Variants in DLG2 observed in about 807,000 individuals in gnomAD.
The protein encoded by DLG2 is discs large MAGUK scaffold protein 2, also known as disks large homolog 2.
Under a neutral mutation model 132.5 loss-of-function variants are expected in DLG2, and 45 were observed. The ratio of observed to expected loss-of-function variants is 0.34; its 90% CI spans 0.27 to 0.44. The LOEUF is 0.44. Ranked by LOEUF, DLG2 falls within the 20% of genes least tolerant of loss-of-function variation. The probability of loss-of-function intolerance (pLI) is 1.00; values close to 1 mark genes in which losing one functional copy is unlikely to be tolerated. For synonymous variants in DLG2, 424 were observed against 419.6 expected, an observed-to-expected ratio of 1.01 and a Z score of -0.13; for missense variants, 1,045 against 1,196.9, an observed-to-expected ratio of 0.87 and a Z score of 1.87.
intron 4 of DLG2, among the ~76,000 whole-genome samples, chr11:85,199,514 G>A (rs571036782): frequency 1.2e-4 from 18 of 152,246 alleles, no homozygotes; most frequent in African/African-American, 3.9e-4. Context: ...AGGTCTATGC[G>A]TGTTATTGGA....
chr11:83,862,512 A>G (rs1277726391), intron 16 of DLG2, among the ~76,000 whole-genome samples: 1 of 152,192 alleles, frequency 6.6e-6, no homozygotes, highest in Non-Finnish European at 1.5e-5. Context: ...ATTTATAAAG[A>G]ATGAATAAAA....
intron 4 of DLG2, among the ~76,000 whole-genome samples, chr11:85,208,166 T>C (rs2082027472): frequency 6.6e-6 from 1 of 152,078 alleles, no homozygotes; most frequent in Admixed American, 6.6e-5. Context: ...TCAAAGTAGT[T>C]AAGTAACCTA....
intron 3 of DLG2, among the ~76,000 whole-genome samples, chr11:85,544,532 G>A (rs1464035670): frequency 6.6e-6 from 1 of 152,190 alleles, no homozygotes; most frequent in Non-Finnish European, 1.5e-5. Flanking sequence ...TGGGAAAAAA[G>A]TCAATGGTAG....
At chr11:85,169,392 C>T (rs1022512378) in intron 4 of DLG2, among the ~76,000 whole-genome samples, 4 of 152,124 alleles carry the variant, frequency 2.6e-5, no homozygotes, top group African/African-American at 4.8e-5. Context: ...ACATGAAAAA[C>T]GGTACGTAAA....
At chr11:84,030,144 A>G (rs954115130) in intron 11 of DLG2, among the ~76,000 whole-genome samples, 3 of 152,172 alleles carry the variant, frequency 2.0e-5, no homozygotes, top group African/African-American at 7.2e-5. Flanking sequence ...TCACTCACCA[A>G]TATAAATTGT....
intron 6 of DLG2, among the ~76,000 whole-genome samples, chr11:84,761,235 C>A (rs757446604): frequency 1.3e-5 from 2 of 152,198 alleles, no homozygotes; most frequent in Non-Finnish European, 1.5e-5. Context: ...TGAAGCAATG[C>A]ATTTTTACCC....
chr11:85,195,263 A>G (rs1245643750), intron 4 of DLG2, among the ~76,000 whole-genome samples: 1 of 152,140 alleles, frequency 6.6e-6, no homozygotes, highest in African/African-American at 2.4e-5. Context: ...CTGCAGTAAG[A>G]GTCAGTTCCA....
chr11:84,615,449 G>A (rs572914230), intron 6 of DLG2, among the ~76,000 whole-genome samples: 1 of 152,114 alleles, frequency 6.6e-6, no homozygotes, highest in East Asian at 1.9e-4. Flanking sequence ...ATTTCTCCAG[G>A]TAGCTAATAA....
intron 21 of DLG2, among the ~76,000 whole-genome samples, chr11:83,514,398 G>C (rs908882563): frequency 2.3e-3 from 348 of 152,282 alleles, no homozygotes; most frequent in African/African-American, 8.0e-3. Context: ...AGACTTTGCT[G>C]AAGTTGCTTA....
At chr11:84,496,064 G>GCT (rs1567785237) in intron 7 of DLG2, among the ~76,000 whole-genome samples, 3 of 152,136 alleles carry the variant, frequency 2.0e-5, no homozygotes, top group African/African-American at 7.2e-5. Flanking sequence ...GCTGGAGTGA[G>GCT]CTAAGCTGAA....
At chr11:83,501,845 A>C (rs2094463542) in intron 21 of DLG2, among the ~76,000 whole-genome samples, 1 of 152,146 alleles carries the variant, frequency 6.6e-6, no homozygotes, top group Non-Finnish European at 1.5e-5. Flanking sequence ...CCCTTCTCTG[A>C]CTATCCTGAT....
intron 21 of DLG2, among the ~76,000 whole-genome samples, chr11:83,527,704 G>A (rs892405901): frequency 1.3e-5 from 2 of 151,840 alleles, no homozygotes; most frequent in African/African-American, 2.4e-5. Context: ...TTTAGAAAGG[G>A]TTTACAACAT....
At chr11:85,379,507 A>G (rs2085701965) in intron 3 of DLG2, among the ~76,000 whole-genome samples, 1 of 152,234 alleles carries the variant, frequency 6.6e-6, no homozygotes, top group Admixed American at 6.5e-5. Flanking sequence ...GCTACATTGA[A>G]TATATTAAGA....
chr11:85,543,651 G>A (rs1289554272), intron 3 of DLG2, among the ~76,000 whole-genome samples: 1 of 152,144 alleles, frequency 6.6e-6, no homozygotes, highest in Non-Finnish European at 1.5e-5. Flanking sequence ...AGCATCTATA[G>A]TTTCCTGACT....
At chr11:83,928,287 GT>G (rs1315635323) in intron 15 of DLG2, among the ~76,000 whole-genome samples, 1 of 151,990 alleles carries the variant, frequency 6.6e-6, no homozygotes, top group African/African-American at 2.4e-5. Context: ...GTACTATAAT[GT>G]TTTTATTTGA....
intron 18 of DLG2, among the ~76,000 whole-genome samples, chr11:83,767,384 C>T (rs2094190452): frequency 6.6e-6 from 1 of 152,090 alleles, no homozygotes; most frequent in African/African-American, 2.4e-5. Context: ...CAATTAGGTC[C>T]TTGTTCTCAT....
intron 6 of DLG2, among the ~76,000 whole-genome samples, chr11:85,107,923 G>C (rs1159839361): frequency 5.7e-5 from 4 of 69,898 alleles, no homozygotes; most frequent in East Asian, 4.9e-4. Flanking sequence ...GAAAGGACAA[G>C]TCTTAAAAAA....
intron 7 of DLG2, among the ~76,000 whole-genome samples, chr11:84,512,942 A>G (rs2099261299): frequency 1.3e-5 from 2 of 151,964 alleles, no homozygotes; most frequent in South Asian, 4.2e-4. Flanking sequence ...AATGATGAGA[A>G]CACATGGACA....
chr11:84,189,620 A>G (rs1597052183), intron 8 of DLG2, among the ~76,000 whole-genome samples: 1 of 152,202 alleles, frequency 6.6e-6, no homozygotes, highest in South Asian at 2.1e-4. Context: ...GCACATATAC[A>G]CCATGGAATA....
Sources: gnomAD v4.1 joint callset for allele counts (sites outside exome capture counted in the v4.1 genomes callset) on GRCh38, gnomAD v4.1.1 for gene constraint, MANE v1.5 for transcripts, NCBI Gene and HGNC (gene_info 2026-07-23, HGNC 2026-07-21) for gene names.